Variants in SLU7 observed in about 807,000 individuals in gnomAD.
The protein encoded by SLU7 is spliceosome associated SLU7.
Under a neutral mutation model 87.0 loss-of-function variants are expected in SLU7, and 60 were observed. That is an observed-to-expected ratio of 0.69 (90% CI 0.56 to 0.86). The LOEUF (loss-of-function observed/expected upper bound fraction) is 0.86. Among genes scored for constraint, SLU7 ranks in the 40% least tolerant of loss-of-function variants. The pLI, the probability that SLU7 is intolerant of heterozygous loss-of-function variation, is 0.00. For missense variants in SLU7, 507 were observed against 686.6 expected, an observed-to-expected ratio of 0.74 and a Z score of 2.92; for synonymous variants, 197 against 222.0, an observed-to-expected ratio of 0.89 and a Z score of 1.00.
intron 6 of SLU7, 82 bp downstream of exon 6, chr5:160,412,369 T>C (rs1321727292): frequency 2.3e-6 from 2 of 853,698 alleles, no homozygotes; most frequent in East Asian, 4.9e-5. Flanking sequence ...ACTGAAGAGC[T>C]ATAAAATGAA....
At chr5:160,409,832 G>A (rs1004418235) in intron 6 of SLU7, among the ~76,000 whole-genome samples, 4 of 152,096 alleles carry the variant, frequency 2.6e-5, no homozygotes, top group African/African-American at 9.7e-5. Context: ...GATAGGATAA[G>A]GGTATATATT....
chr5:160,407,326 C>T lies in SLU7; in HGVS notation c.1125+150G>A. 2.0e-6 allele frequency: 1 copy of T among 500,222 alleles called. No individual in the cohort carries two copies. The highest frequency in any genetic ancestry group is 2.9e-5 in the South Asian group (1 of 34,344). The allele number at this position is 500,222 out of a possible 1,614,324, so 31.0% of individuals were successfully genotyped here. ...TGCTGCAAAAGCTCATACAAAATTA[C>T]CATCTGACTAAGAGAAAGGAAGAAA... On this transcript the variant is annotated intron_variant, in intron 11 of 15. Coordinates refer to ENST00000297151, the MANE Select transcript of SLU7 (RefSeq NM_006425.5). This position sits in a 1 kb window ranked among gnomAD's most constrained non-coding sequence, Gnocchi z 4.2.
At chr5:160,404,716 T>C in intron 14 of SLU7, 93 bp downstream of exon 14, 1 of 980,440 alleles carries the variant, frequency 1.0e-6, no homozygotes, top group African/African-American at 1.7e-5. Flanking sequence ...CAGAATGAGA[T>C]TCTGTTTCAA....
Position 160,414,755 on chromosome 5 carries a change from A to C in SLU7, c.171-283T>G, listed in dbSNP as rs535434100. 2.6e-4 allele frequency among the ~76,000 whole-genome samples: 39 copies of C among 152,366 alleles called. 2 individuals are homozygous for C. The South Asian group carries it at 4.8e-3, about 19-fold the overall frequency. Reference sequence around the variant, plus strand: ...AATAGAGATGTGTGTTAGTAATCTAAATCTTCTATCACAAGAAGTTTTGGT... The same window carrying C: ...AATAGAGATGTGTGTTAGTAATCTACATCTTCTATCACAAGAAGTTTTGGT... On this transcript the variant is annotated intron_variant, in intron 2 of 15. Coordinates refer to ENST00000297151, the MANE Select transcript of SLU7 (RefSeq NM_006425.5).
At chr5:160,413,714 A>C in intron 4 of SLU7, 94 bp from the exon 5 acceptor site, 1 of 1,189,666 alleles carries the variant, frequency 8.4e-7, no homozygotes, top group Non-Finnish European at 1.2e-6. Context: ...TTTACGATCT[A>C]TTCAATTTAC....
rs940265932 is a variant in SLU7 at position 160,403,255 on chromosome 5, A to G, written c.*30T>C. The G allele has an allele frequency of 3.3e-6, 5 of 1,493,462 alleles. No individual in the cohort carries two copies. In the Admixed American group the frequency reaches 8.9e-5, roughly 27 times the overall value. The allele number at this position is 1,493,462 out of a possible 1,614,324, so 92.5% of individuals were successfully genotyped here. A position where few individuals can be genotyped will look rare whatever the true frequency, so the allele number is the denominator to read the frequency against. ...AAGCTGAAAAGAATGTATCAGCTGC[A>G]TCTATCTTGGATGGTCTTCTGACTA... On this transcript the variant is annotated 3_prime_UTR_variant, in exon 16 of 16. Coordinates refer to ENST00000297151, the MANE Select transcript of SLU7 (RefSeq NM_006425.5).
In SLU7 at chr5:160,413,470, C is replaced by T; in HGVS notation, c.556G>A (p.Ala186Thr). The T allele has an allele frequency of 6.2e-7, 1 of 1,613,024 alleles. No homozygotes were observed. The highest frequency in any genetic ancestry group is 8.5e-7 in the Non-Finnish European group (1 of 1,179,660). Reference sequence around the variant, plus strand: ...ATTTTGCTCACCAAATCAACTTTGGCATACTCTTCAACAATTTTCATGTGT... The same window carrying T: ...ATTTTGCTCACCAAATCAACTTTGGTATACTCTTCAACAATTTTCATGTGT... Reference protein sequence around the residue: ...EEHMKIVEEYAKVDLAKRTLK... With the variant: ...EEHMKIVEEYTKVDLAKRTLK... Residue 186 changes from alanine to threonine, a missense_variant, in exon 5 of 16, where the codon GCC (alanine) becomes ACC (threonine). Transcript: ENST00000297151.
chr5:160,403,308 T>C lies in SLU7; in HGVS notation c.1738A>G (p.Met580Val). Residue 580 changes from methionine (M) to valine (V), a missense_variant, in exon 16 of 16, where the codon ATG (methionine) becomes GTG (valine). By Grantham distance (21) the Met-to-Val change is conservative. This residue lies in a region of SLU7 where 201 missense variants were observed against 213.4 expected (regional missense o/e 0.94). Transcript: ENST00000297151. ...TGCTACTGTCCAAGGAAAGAGGCCA[T>C]GGGGTCATCTGGCCTCTGACGTTTC... ...RMKRQRPDDP[M>V]ASFLGQ The C allele has an allele frequency of 6.2e-7, 1 of 1,607,714 alleles. No homozygotes were observed. The highest frequency in any genetic ancestry group is 1.7e-5 in the Admixed American group (1 of 58,908).
rs772094418 is a variant in SLU7 at position 160,403,395 on chromosome 5, G to A, written c.1651C>T (p.Pro551Ser). The A allele has an allele frequency of 6.2e-7, 1 of 1,613,286 alleles. No individual in the cohort carries two copies. Residue 551 changes from proline (P) to serine (S), a missense_variant, in exon 16 of 16, where the codon CCT becomes TCT. By Grantham distance (74) the Pro-to-Ser change is moderately conservative. Transcript: ENST00000297151. The stretch of plus-strand genomic sequence containing the variant: ...CGAGTTTCATACATGCTATTGTAAG[G>A]CCGCTTCCTCTCATCAATCTGCATG... ...ETMQIDERKR[P>S]YNSMYETREP... is the part of the protein sequence containing the mutation.
Position 160,416,042 on chromosome 5 carries a change from C to T in SLU7, c.-16-732G>A, listed in dbSNP as rs141124836. ...CGAGTAGCTCGATTACAGGTGCCCG[C>T]CACCATGCCCGGCTAATTTTTTCGT... On this transcript the variant is annotated intron_variant, in intron 1 of 15. Coordinates refer to ENST00000297151, the MANE Select transcript of SLU7 (RefSeq NM_006425.5). Among the ~76,000 whole-genome samples, 8 of 152,262 alleles carry T rather than the reference C, an allele frequency of 5.3e-5. No homozygotes were observed. In the East Asian group the frequency reaches 1.5e-3, roughly 29 times the overall value.
At chr5:160,406,741 T>C in intron 11 of SLU7, 112 bp from the exon 12 acceptor site, 1 of 939,690 alleles carries the variant, frequency 1.1e-6, no homozygotes, top group African/African-American at 1.7e-5. Context: ...TTACTGGGTT[T>C]TGTTATAGAA....
Position 160,414,127 on chromosome 5 carries a change from C to T in SLU7, c.325-148G>A, listed in dbSNP as rs115741958. 1.7e-3 allele frequency: 1,151 copies of T among 685,330 alleles called. 17 individuals are homozygous for T. In the African/African-American group the frequency reaches 0.02, roughly 12 times the overall value. 42.5% of individuals were successfully genotyped at this position (685,330 alleles called of 1,614,324 possible). A position where few individuals can be genotyped will look rare whatever the true frequency, so the allele number is the denominator to read the frequency against. On this transcript the variant is annotated intron_variant, in intron 3 of 15. Transcript: ENST00000297151. ...TCTCCACACATTTATAAATGTGAAA[C>T]TTTAAAGAGTTCAGGAGTGTAAAAT...
intron 6 of SLU7, among the ~76,000 whole-genome samples, chr5:160,410,622 A>G (rs11135101): frequency 6.6e-6 from 1 of 152,054 alleles, no homozygotes; most frequent in Non-Finnish European, 1.5e-5. Context: ...CCCCTTACAT[A>G]CATTAAGTAT....
At chr5:160,415,451 C>A in intron 1 of SLU7, 141 bp from the exon 2 acceptor site, 1 of 519,900 alleles carries the variant, frequency 1.9e-6, no homozygotes, top group Non-Finnish European at 3.1e-6. Flanking sequence ...GTCTCTTCCC[C>A]CTCCTCAAGG....
chr5:160,404,364 C>CA, intron 15 of SLU7, 76 bp downstream of exon 15: 1 of 939,730 alleles, frequency 1.1e-6, no homozygotes, highest in Non-Finnish European at 1.7e-6. Flanking sequence ...GACCCTGTCT[C>CA]AAAAAAATAA....
intron 1 of SLU7, 163 bp downstream of exon 1, chr5:160,418,860 T>C (rs988152138): frequency 1.3e-5 from 2 of 152,382 alleles, no homozygotes; most frequent in Non-Finnish European, 2.9e-5. Flanking sequence ...GTGCCATGAA[T>C]GGGTCTCAGG....
At chr5:160,414,099 GA>G in intron 3 of SLU7, 120 bp from the exon 4 acceptor site, 1 of 704,922 alleles carries the variant, frequency 1.4e-6, no homozygotes, top group South Asian at 2.5e-5. Flanking sequence ...AAATAAGTTA[GA>G]GTCTCCACAC....
In SLU7 at chr5:160,406,635, A is replaced by G. The variant is rs756360639; in HGVS notation, c.1126-6T>C. The G allele has an allele frequency of 6.3e-7, 1 of 1,595,532 alleles. No homozygotes were observed. The highest frequency in any genetic ancestry group is 2.3e-5 in the East Asian group (1 of 43,980). ...AAATGTTCTTGGCCACCATACTAAA[A>G]GGACATTGGACATTATTCAATACAT... is the stretch of plus-strand genomic sequence containing the variant. On this transcript the variant is annotated splice_region_variant and splice_polypyrimidine_tract_variant and intron_variant, in intron 11 of 15. Transcript: ENST00000297151.
chr5:160,404,729 G>GAAAA, intron 14 of SLU7, 80 bp downstream of exon 14: 1 of 884,008 alleles, frequency 1.1e-6, no homozygotes, highest in Non-Finnish European at 1.7e-6. Context: ...TGTTTCAAAA[G>GAAAA]AAAAAAAAAA....
Sources: allele counts gnomAD v4.1 joint callset (sites outside exome capture counted in the v4.1 genomes callset), GRCh38; gene constraint gnomAD v4.1.1; regional missense constraint gnomAD v4.1.1; non-coding constraint Gnocchi (gnomAD v3.1); transcripts MANE v1.5; gene names NCBI Gene and HGNC (gene_info 2026-07-23, HGNC 2026-07-21).